MYOM1: variants seen among roughly 807,000 people sequenced by gnomAD.
The protein encoded by MYOM1 is myomesin-1.
Under a neutral mutation model 205.3 loss-of-function variants are expected in MYOM1, and 164 were observed. The observed-to-expected ratio is 0.80, with a 90% CI of 0.70 to 0.91. The LOEUF (loss-of-function observed/expected upper bound fraction) is 0.91. Ranked by LOEUF, MYOM1 falls within the 40% of genes least tolerant of loss-of-function variation. MYOM1 has a pLI of 0.00. For missense variants in MYOM1, 2,011 were observed against 2,127.3 expected, an observed-to-expected ratio of 0.95 and a Z score of 1.08; for synonymous variants, 772 against 789.4, an observed-to-expected ratio of 0.98 and a Z score of 0.37.
At chr18:3,239,781 AAAG>A in the MYOM1 span, among the ~76,000 whole-genome samples, 3 of 150,238 alleles carry the variant, frequency 2.0e-5, no homozygotes, top group South Asian at 6.3e-4. Flanking sequence ...AAAAAAAAAA[AAAG>A]AAATTGAGAG....
At chr18:3,162,967 AG>A (rs980233341) in intron 10 of MYOM1, among the ~76,000 whole-genome samples, 6 of 149,956 alleles carry the variant, frequency 4.0e-5, no homozygotes, top group African/African-American at 1.5e-4. Flanking sequence ...CGGAGCTTGC[AG>A]TGAGCCGAGA....
chr18:3,154,916 A>T, intron 11 of MYOM1, 31 bp downstream of exon 11: 1 of 1,599,220 alleles, frequency 6.3e-7, no homozygotes, highest in South Asian at 1.1e-5. Context: ...ATGACCAAAT[A>T]ACTGTAATTG....
At position 3,075,688 on chromosome 18, in the gene MYOM1, T is replaced by C. The variant is rs201490655; in HGVS notation, c.4685+37A>G. The C allele has an allele frequency of 6.9e-5, 110 of 1,594,260 alleles. No individual in the cohort carries two copies. In the African/African-American group the frequency reaches 1.4e-3, roughly 20 times the overall value. On this transcript the variant is annotated intron_variant, in intron 35 of 37. Transcript: ENST00000356443. ...GCATGCAAGCTTCCCGGGAAATTAG[T>C]GCATGCAAGTGGCATTTGCTAGGAC...
chr18:3,116,479 T>C lies in MYOM1; in HGVS notation c.3155A>G (p.Lys1052Arg). Residue 1052 changes from lysine to arginine, a missense_variant, in exon 21 of 38, where the codon AAA becomes AGA. By Grantham distance (26) the Lys-to-Arg change is conservative. Transcript: ENST00000356443. ...PHSLKCSEVRKDSLVLQWKPP... is the reference protein window; with the variant it reads ...PHSLKCSEVRRDSLVLQWKPP... ...CTTCCACTGGAGAACCAGTGAGTCT[T>C]TCCTGACTTCACTACACTTGAGACT... 6.2e-7 allele frequency: 1 copy of C among 1,606,568 alleles called. No homozygotes were observed. The highest frequency in any genetic ancestry group is 8.5e-7 in the Non-Finnish European group (1 of 1,175,510).
At chr18:3,085,228 GCTTTTTTTTTTTTTTTTTT>G in intron 30 of MYOM1, 96 bp from the exon 31 acceptor site, 2 of 152,308 alleles carry the variant, frequency 1.3e-5, no homozygotes, top group Admixed American at 1.3e-4. Context: ...TGCTGCTGCT[GCTTTTTTTTTTTTTTTTTT>G]TTTTTTTTTT....
Position 3,201,064 on chromosome 18 carries a change from G to A in MYOM1, c.291-7106C>T, listed in dbSNP as rs542445921. ...ACTTCTCATCAGGAAAAATGGCACC[G>A]ACATGACATATTTAAGTGCTGAAAA... On this transcript the variant is annotated intron_variant, in intron 2 of 37. Coordinates refer to ENST00000356443, the MANE Select transcript of MYOM1 (RefSeq NM_003803.4). Among the ~76,000 whole-genome samples, 15 of 152,180 alleles carry A rather than the reference G, an allele frequency of 9.9e-5. No homozygotes were observed. The East Asian group carries it at 1.9e-3, about 20-fold the overall frequency.
intron 21 of MYOM1, among the ~76,000 whole-genome samples, chr18:3,112,840 G>A (rs12606182): frequency 0.92 from 139,506 of 152,272 alleles, 63,977 homozygotes; most frequent in Middle Eastern, 0.98. Flanking sequence ...ATTTCAGATG[G>A]AATTCTTGGC....
the MYOM1 span, among the ~76,000 whole-genome samples, chr18:3,237,624 G>GAAAAAAAAAAAAAAAA: frequency 7.2e-6 from 1 of 138,018 alleles, no homozygotes. Flanking sequence ...AAAAAAAAAG[G>GAAAAAAAAAAAAAAAA]AAATACATTC....
intron 20 of MYOM1, among the ~76,000 whole-genome samples, chr18:3,118,149 TTCATCTGTAAA>T (rs1325677605): frequency 6.6e-6 from 1 of 152,212 alleles, no homozygotes; most frequent in Non-Finnish European, 1.5e-5. Context: ...TGTCAATTTT[TTCATCTGTAAA>T]ACAGGATGAC....
At chr18:3,075,356 T>C in intron 36 of MYOM1, 98 bp downstream of exon 36, 1 of 1,179,588 alleles carries the variant, frequency 8.5e-7, no homozygotes, top group Non-Finnish European at 1.2e-6. Flanking sequence ...AAAAACCACT[T>C]CCATTCTCCT....
intron 12 of MYOM1, 44 bp from the exon 13 acceptor site, chr18:3,149,245 G>A: frequency 6.5e-7 from 1 of 1,546,654 alleles, no homozygotes; most frequent in Non-Finnish European, 8.9e-7. Context: ...TTACAAGTGT[G>A]CAATTTATCA....
the MYOM1 span, among the ~76,000 whole-genome samples, chr18:3,240,379 T>C: frequency 1.3e-5 from 2 of 152,130 alleles, no homozygotes; most frequent in African/African-American, 2.4e-5. Context: ...AACTGAATCA[T>C]GGGGGCAGGT....
chr18:3,119,913 A>C lies in MYOM1; in HGVS notation c.3074T>G (p.Val1025Gly), dbSNP rs1033108745. Residue 1025 changes from valine to glycine, a missense_variant, in exon 20 of 38, where the codon GTA (valine) becomes GGA (glycine). Physicochemically the swap from Val to Gly is moderately radical, Grantham distance 109. Transcript: ENST00000356443. ...CTCTTCACATTTGAAGCATTCGCTTACTGCGGAGGGCGCGCCCAGCCCAGC... is the reference window on the plus strand; with the variant it reads ...CTCTTCACATTTGAAGCATTCGCTTCCTGCGGAGGGCGCGCCCAGCCCAGC... ...NMAGLGAPSAVSECFKCEEWT... is the reference protein window; with the variant it reads ...NMAGLGAPSAGSECFKCEEWT... 5.6e-6 allele frequency: 9 copies of C among 1,613,036 alleles called. No individual in the cohort carries two copies. Among genetic ancestry groups the C allele is most frequent in the Non-Finnish European group, 6.8e-6 (8 of 1,179,548 alleles).
At chr18:3,246,550 A>C in the MYOM1 span, 194 of 152,350 alleles carry the variant, frequency 1.3e-3, no homozygotes, top group African/African-American at 4.5e-3. Flanking sequence ...TTTACCACGA[A>C]GTTAACTTTG....
intron 8 of MYOM1, among the ~76,000 whole-genome samples, chr18:3,173,580 G>A (rs1193225417): frequency 9.0e-6 from 1 of 110,556 alleles, no homozygotes; most frequent in Non-Finnish European, 1.9e-5. Context: ...ACTCGTGTGT[G>A]TGTGTGTGTG....
the MYOM1 span, among the ~76,000 whole-genome samples, chr18:3,244,302 G>A: frequency 1.3e-5 from 2 of 152,128 alleles, no homozygotes; most frequent in Non-Finnish European, 2.9e-5. Context: ...GGCCTTGAGA[G>A]GTATTCTAAA....
chr18:3,095,006 T>A (rs1041568125), intron 25 of MYOM1, among the ~76,000 whole-genome samples: 2 of 152,178 alleles, frequency 1.3e-5, no homozygotes, highest in African/African-American at 4.8e-5. Context: ...TTATGTCAAA[T>A]GTAAATTAAT....
intron 9 of MYOM1, among the ~76,000 whole-genome samples, chr18:3,168,569 A>G (rs560355475): frequency 6.6e-6 from 1 of 152,334 alleles, no homozygotes; most frequent in East Asian, 1.9e-4. Flanking sequence ...GATTACAGGC[A>G]TGAGCCACCA....
Position 3,168,932 on chromosome 18 carries a change from A to G in MYOM1, c.1224T>C (p.Asp408=). ...TCCCAAAAGACACATCAAATTTGTC[A>G]TCAAAGTGGATCTCAAACCGGGATG... is the stretch of plus-strand genomic sequence containing the variant. The part of the protein sequence containing the change: ...GYASRFEIHF[D]DKFDVSFGRE... The change falls in exon 9 of 38, where the codon GAT becomes GAC. Residue 408 remains aspartate (D), a synonymous_variant. Transcript: ENST00000356443. 6.2e-7 allele frequency: 1 copy of G among 1,613,822 alleles called. No homozygotes were observed. Among genetic ancestry groups the G allele is most frequent in the Non-Finnish European group, 8.5e-7 (1 of 1,179,804 alleles).
Sources: gnomAD v4.1 joint callset for allele counts (sites outside exome capture counted in the v4.1 genomes callset) on GRCh38, gnomAD v4.1.1 for gene constraint, MANE v1.5 for transcripts, NCBI Gene and HGNC (gene_info 2026-07-23, HGNC 2026-07-21) for gene names.